ATOSA: variants seen among roughly 807,000 people sequenced by gnomAD.
The protein encoded by ATOSA is atos homolog A, also known as atos homolog protein A.
chr15:52,691,759 C>G, the ATOSA span, among the ~76,000 whole-genome samples: 316 of 151,832 alleles, frequency 2.1e-3, 5 homozygotes, highest in East Asian at 0.013. Flanking sequence ...CACTTGAGCC[C>G]GGGGGGTCAA....
At chr15:52,678,105 T>C in the ATOSA span, 38 of 1,510,574 alleles carry the variant, frequency 2.5e-5, no homozygotes, top group Non-Finnish European at 3.2e-5. Flanking sequence ...CTACGGCTTC[T>C]GCTTCGCTTT....
chr15:52,600,657 C>T, the ATOSA span, among the ~76,000 whole-genome samples: 1 of 152,028 alleles, frequency 6.6e-6, no homozygotes, highest in Non-Finnish European at 1.5e-5. Context: ...GTGGCATCTA[C>T]TGGAAATAAA....
chr15:52,614,042 T>C, the ATOSA span: 1 of 572,128 alleles, frequency 1.7e-6, no homozygotes, highest in Non-Finnish European at 3.1e-6. Context: ...GAGGAGATGA[T>C]GGATAATTCC....
At chr15:52,655,499 A>C in the ATOSA span, among the ~76,000 whole-genome samples, 2 of 152,268 alleles carry the variant, frequency 1.3e-5, no homozygotes, top group East Asian at 3.9e-4. Flanking sequence ...CGAAAAGGAC[A>C]CTGAACTAGG....
At chr15:52,685,200 G>A in the ATOSA span, among the ~76,000 whole-genome samples, 4 of 152,220 alleles carry the variant, frequency 2.6e-5, no homozygotes, top group South Asian at 8.3e-4. Flanking sequence ...GCCTTTTAGC[G>A]GTGCAAATTC....
the ATOSA span, among the ~76,000 whole-genome samples, chr15:52,709,526 A>C: frequency 6.6e-6 from 1 of 152,150 alleles, no homozygotes; most frequent in African/African-American, 2.4e-5. Context: ...TAAAATGCAT[A>C]CAAGTCCCTT....
At chr15:52,588,045 A>G in the ATOSA span, among the ~76,000 whole-genome samples, 1 of 152,220 alleles carries the variant, frequency 6.6e-6, no homozygotes, top group African/African-American at 2.4e-5. Context: ...GGGTCATGTC[A>G]CTAGAGAAGT....
At chr15:52,636,067 T>C in the ATOSA span, among the ~76,000 whole-genome samples, 1 of 145,022 alleles carries the variant, frequency 6.9e-6, no homozygotes, top group African/African-American at 2.5e-5. Flanking sequence ...TTAAATTAAA[T>C]TAAAATATTA....
At chr15:52,652,991 A>T in the ATOSA span, among the ~76,000 whole-genome samples, 2 of 152,216 alleles carry the variant, frequency 1.3e-5, no homozygotes, top group African/African-American at 4.8e-5. Flanking sequence ...TTCTCATTTT[A>T]GAAATATTTC....
chr15:52,705,055 A>G, the ATOSA span, among the ~76,000 whole-genome samples: 167 of 152,302 alleles, frequency 1.1e-3, no homozygotes, highest in Middle Eastern at 3.4e-3. Context: ...ACATGCACAC[A>G]TATGTTTATT....
At chr15:52,685,203 G>A in the ATOSA span, among the ~76,000 whole-genome samples, 2 of 152,296 alleles carry the variant, frequency 1.3e-5, no homozygotes, top group Admixed American at 6.5e-5. Flanking sequence ...TTTTAGCGGT[G>A]CAAATTCTGT....
the ATOSA span, chr15:52,582,317 T>C: frequency 6.4e-7 from 1 of 1,553,458 alleles, no homozygotes; most frequent in Admixed American, 2.3e-5. Context: ...CCTAAACAAA[T>C]AAACAAAATA....
chr15:52,618,745 C>T, the ATOSA span, among the ~76,000 whole-genome samples: 20 of 152,026 alleles, frequency 1.3e-4, no homozygotes, highest in Admixed American at 6.6e-5. Context: ...AGTGCAGTGG[C>T]GTGATCATAG....
the ATOSA span, among the ~76,000 whole-genome samples, chr15:52,672,022 T>C: frequency 1.3e-5 from 2 of 151,674 alleles, no homozygotes; most frequent in African/African-American, 2.4e-5. Flanking sequence ...ATTTTTTACC[T>C]ATTCCATCCT....
chr15:52,685,819 T>C, the ATOSA span, among the ~76,000 whole-genome samples: 2 of 152,214 alleles, frequency 1.3e-5, no homozygotes, highest in African/African-American at 2.4e-5. Context: ...ATTATCCTTC[T>C]GCCTCAGCCT....
At chr15:52,664,009 C>G in the ATOSA span, among the ~76,000 whole-genome samples, 1 of 152,184 alleles carries the variant, frequency 6.6e-6, no homozygotes, top group African/African-American at 2.4e-5. Flanking sequence ...TGAATTCTAT[C>G]CATCCAGAGC....
At chr15:52,702,521 ACAAC>A in the ATOSA span, among the ~76,000 whole-genome samples, 1 of 152,292 alleles carries the variant, frequency 6.6e-6, no homozygotes, top group African/African-American at 2.4e-5. Context: ...AAAACCAAAT[ACAAC>A]ATGTTCTCAC....
At chr15:52,670,046 G>A in the ATOSA span, among the ~76,000 whole-genome samples, 1 of 152,162 alleles carries the variant, frequency 6.6e-6, no homozygotes, top group Non-Finnish European at 1.5e-5. Context: ...CAGAAATAGT[G>A]GGCTGTGTTC....
At chr15:52,678,085 G>A in the ATOSA span, 1 of 1,584,376 alleles carries the variant, frequency 6.3e-7, no homozygotes, top group Non-Finnish European at 8.7e-7. Context: ...CAACAGGCTC[G>A]CCGCTGATTC....
Sources: allele counts gnomAD v4.1 joint callset (sites outside exome capture counted in the v4.1 genomes callset), GRCh38; gene constraint gnomAD v4.1.1; transcripts MANE v1.5; gene names NCBI Gene and HGNC (gene_info 2026-07-23, HGNC 2026-07-21).